The following VPS13B variants were observed in gnomAD, a reference collection of about 807,000 sequenced individuals.
VPS13B encodes the protein vacuolar protein sorting 13 homolog B.
VPS13B carries 285 observed loss-of-function variants against 426.4 expected under a neutral mutation model. That is an observed-to-expected ratio of 0.67 (90% CI 0.61 to 0.74). The LOEUF (loss-of-function observed/expected upper bound fraction) is 0.74. Among genes scored for constraint, VPS13B ranks in the 30% least tolerant of loss-of-function variants. The pLI, the probability that VPS13B is intolerant of heterozygous loss-of-function variation, is 0.00. For synonymous variants in VPS13B, 1,676 were observed against 1,676.4 expected, an observed-to-expected ratio of 1.00 and a Z score of 0.01; for missense variants, 4,537 against 4,782.6, an observed-to-expected ratio of 0.95 and a Z score of 1.51.
intron 43 of VPS13B, among the ~76,000 whole-genome samples, chr8:99,803,366 A>G (rs16897713): frequency 0.043 from 6,622 of 152,290 alleles, 155 homozygotes; most frequent in African/African-American, 0.053. Flanking sequence ...TTGTGGAAGA[A>G]TAGCCAACAC....
intron 59 of VPS13B, among the ~76,000 whole-genome samples, chr8:99,869,487 T>C (rs1817281175): frequency 6.6e-6 from 1 of 152,140 alleles, no homozygotes; most frequent in African/African-American, 2.4e-5. Flanking sequence ...GACGCCAGCA[T>C]GTGTTCCTCT....
intron 3 of VPS13B, among the ~76,000 whole-genome samples, chr8:99,083,274 A>G (rs1225164259): frequency 1.3e-5 from 2 of 152,144 alleles, no homozygotes; most frequent in Admixed American, 1.3e-4. Context: ...TTATTGGTGT[A>G]TAGGAATGCT....
intron 19 of VPS13B, among the ~76,000 whole-genome samples, chr8:99,350,836 A>G (rs1305511225): frequency 6.6e-6 from 1 of 151,494 alleles, no homozygotes; most frequent in Non-Finnish European, 1.5e-5. Context: ...TATGATATGA[A>G]TTATATGTAT....
chr8:99,858,124 C>T (rs886455754), intron 56 of VPS13B, among the ~76,000 whole-genome samples: 1 of 152,202 alleles, frequency 6.6e-6, no homozygotes, highest in Admixed American at 6.5e-5. Flanking sequence ...GGCTCCCACC[C>T]AGTCCTGTCC....
At chr8:99,537,505 C>T (rs1201004636) in intron 30 of VPS13B, among the ~76,000 whole-genome samples, 1 of 152,162 alleles carries the variant, frequency 6.6e-6, no homozygotes, top group Non-Finnish European at 1.5e-5. Context: ...GAAGAAATTA[C>T]ATTATGCAGT....
chr8:99,277,634 TTC>T (rs1005894153), intron 19 of VPS13B, among the ~76,000 whole-genome samples: 5 of 152,190 alleles, frequency 3.3e-5, no homozygotes, highest in South Asian at 2.1e-4. Context: ...GTATCTAAAT[TTC>T]TCTCTCTGTC....
At chr8:99,403,762 A>G (rs1815179381) in intron 21 of VPS13B, among the ~76,000 whole-genome samples, 1 of 152,190 alleles carries the variant, frequency 6.6e-6, no homozygotes, top group Admixed American at 6.5e-5. Context: ...ATGGCTCATG[A>G]GGTTAACTCC....
At chr8:99,409,584 A>T (rs1815511694) in intron 21 of VPS13B, among the ~76,000 whole-genome samples, 1 of 152,190 alleles carries the variant, frequency 6.6e-6, no homozygotes, top group Admixed American at 6.6e-5. Context: ...ACCAAAAAAT[A>T]ATCAAATTTT....
chr8:99,729,310 G>A (rs911677921), intron 39 of VPS13B, among the ~76,000 whole-genome samples: 4 of 152,274 alleles, frequency 2.6e-5, no homozygotes, highest in African/African-American at 9.6e-5. Context: ...CAATTTTGCT[G>A]TGGTTTTTCC....
rs1321576409 is a variant in VPS13B at position 99,349,346 on chromosome 8, A to AAAG, written c.2825-34860_2825-34859insGAA. 5.3e-5 allele frequency among the ~76,000 whole-genome samples: 8 copies of AAAG among 149,590 alleles called. 1 individual carries two copies. Among genetic ancestry groups the AAAG allele is most frequent in the African/African-American group, 2.0e-4 (8 of 40,716 alleles). ...AGACTCCGTCTCAAAAAAAAAAAAAAAAAAAAAAAGAAAATAGCATGCTTT... is the reference window on the plus strand; with the variant it reads ...AGACTCCGTCTCAAAAAAAAAAAAAAAAGAAAAAAAAAGAAAATAGCATGCTTT... On this transcript the variant is annotated intron_variant, in intron 19 of 61. Coordinates refer to ENST00000357162, the MANE Select transcript of VPS13B (RefSeq NM_152564.5).
intron 3 of VPS13B, among the ~76,000 whole-genome samples, chr8:99,053,800 T>G (rs1160395988): frequency 2.0e-5 from 3 of 151,966 alleles, no homozygotes. Context: ...CCTCCTGGGT[T>G]CAAGTGATTC....
At chr8:99,032,560 C>T (rs1312126358) in intron 2 of VPS13B, among the ~76,000 whole-genome samples, 19 of 144,566 alleles carry the variant, frequency 1.3e-4, no homozygotes, top group Non-Finnish European at 2.3e-4. Context: ...GACAGAGTCT[C>T]GCTCTGTTAC....
chr8:99,116,784 G>A (rs944370890), intron 7 of VPS13B, among the ~76,000 whole-genome samples: 18 of 152,244 alleles, frequency 1.2e-4, no homozygotes, highest in Admixed American at 9.2e-4. Context: ...AGATTTCCTA[G>A]TAAATAATAG....
At chr8:99,476,611 C>A (rs901171764) in intron 24 of VPS13B, among the ~76,000 whole-genome samples, 16 of 151,914 alleles carry the variant, frequency 1.1e-4, no homozygotes, top group Admixed American at 5.2e-4. Flanking sequence ...TTCAGGGGAA[C>A]CAAGATTTGA....
At chr8:99,064,781 A>G (rs1439937287) in intron 3 of VPS13B, among the ~76,000 whole-genome samples, 2 of 152,222 alleles carry the variant, frequency 1.3e-5, no homozygotes, top group African/African-American at 4.8e-5. Context: ...CTCTTCGAGA[A>G]GAGCAACTCC....
chr8:99,568,276 CTATTATTATTAT>C (rs745860921), intron 31 of VPS13B, among the ~76,000 whole-genome samples: 3 of 117,026 alleles, frequency 2.6e-5, no homozygotes, highest in Non-Finnish European at 5.7e-5. Flanking sequence ...ATACCGATAA[CTATTATTATTAT>C]TATTATTATT....
intron 21 of VPS13B, among the ~76,000 whole-genome samples, chr8:99,411,675 C>G (rs1250928918): frequency 2.0e-5 from 3 of 152,084 alleles, no homozygotes; most frequent in South Asian, 2.1e-4. Flanking sequence ...CCGTTTTCTT[C>G]TAGGGTTTTT....
chr8:99,745,822 A>T (rs904196855), intron 39 of VPS13B, among the ~76,000 whole-genome samples: 1 of 152,074 alleles, frequency 6.6e-6, no homozygotes, highest in Non-Finnish European at 1.5e-5. Flanking sequence ...GAATATTTTA[A>T]AAGAAGTCTC....
At position 99,642,321 on chromosome 8, in the gene VPS13B, A is replaced by G. The variant is rs946197995; in HGVS notation, c.5731A>G (p.Thr1911Ala). Residue 1911 changes from threonine to alanine, a missense_variant, in exon 34 of 62, where the codon ACT becomes GCT. By Grantham distance (58) the Thr-to-Ala change is moderately conservative. Around this residue, in one of 2 missense-constraint regions of VPS13B, gnomAD observed 4,311 missense variants for 4,474.3 expected, o/e 0.96. Coordinates refer to ENST00000357162, the MANE Select transcript of VPS13B (RefSeq NM_152564.5). The part of the protein sequence containing the change: ...RSSARQALGI[T>A]IVRQPGRRGT... ...ATCTGCTAGACAAGCACTTGGTATA[A>G]CTATTGTTCGGCAGCCTGGTCGAAG... is the stretch of plus-strand genomic sequence containing the variant. 1 of 1,614,050 alleles carries G rather than the reference A, an allele frequency of 6.2e-7. No homozygotes were observed. Among genetic ancestry groups the G allele is most frequent in the African/African-American group, 1.3e-5 (1 of 74,926 alleles).
Sources: gnomAD v4.1 joint callset for allele counts (sites outside exome capture counted in the v4.1 genomes callset) on GRCh38, gnomAD v4.1.1 for gene constraint, gnomAD v4.1.1 regional missense constraint, MANE v1.5 for transcripts, NCBI Gene and HGNC (gene_info 2026-07-23, HGNC 2026-07-21) for gene names.